Variants in ANOS1 observed in about 807,000 individuals in gnomAD.
ANOS1 encodes anosmin-1.
ANOS1 carries 6 observed loss-of-function variants against 59.0 expected under a neutral mutation model. The ratio of observed to expected loss-of-function variants is 0.10; its 90% CI spans 0.06 to 0.20. ANOS1 has a LOEUF of 0.20. ANOS1 is among the 10% of genes least tolerant of loss of function. ANOS1 has a pLI of 1.00. For synonymous variants in ANOS1, 217 were observed against 223.4 expected, an observed-to-expected ratio of 0.97 and a Z score of 0.25; for missense variants, 433 against 542.3, an observed-to-expected ratio of 0.80 and a Z score of 2.00.
At chrX:8,595,446 C>T (rs1390020146) in intron 4 of ANOS1, among the ~76,000 whole-genome samples, 1 of 110,203 alleles carries the variant, frequency 9.1e-6, no homozygotes, top group African/African-American at 3.3e-5. Context: ...AAAAAAAAAC[C>T]GGTTGAATTA....
intron 1 of ANOS1, among the ~76,000 whole-genome samples, chrX:8,710,295 A>G (rs1932804988): frequency 8.9e-6 from 1 of 111,884 alleles, no homozygotes; most frequent in African/African-American, 3.2e-5. Context: ...CATGAGCCAC[A>G]TAGGAGTCCA....
chrX:8,693,721 A>C (rs1417670613), intron 2 of ANOS1, among the ~76,000 whole-genome samples: 2 of 105,428 alleles, frequency 1.9e-5, no homozygotes, highest in Non-Finnish European at 3.9e-5. Flanking sequence ...ACTCATAAGG[A>C]ATATTGCATG....
In ANOS1 at chrX:8,553,973, C is replaced by T; in HGVS notation, c.1333G>A (p.Val445Ile). Residue 445 changes from valine to isoleucine, a missense_variant, in exon 9 of 14, where the codon GTC becomes ATC. By Grantham distance (29) the Val-to-Ile change is conservative. Coordinates refer to ENST00000262648, the MANE Select transcript of ANOS1 (RefSeq NM_000216.4). Reference protein sequence around the residue: ...FYQDGQLQVKVYWKKTEDPTV... With the variant: ...FYQDGQLQVKIYWKKTEDPTV... ...GTACCTTCTGTCTTCTTCCAGTAGA[C>T]TTTAACTTGCAGTTGGCCATCCTGA... The T allele has an allele frequency of 2.5e-6, 3 of 1,210,339 alleles. No individual in the cohort carries two copies. Among genetic ancestry groups the T allele is most frequent in the Non-Finnish European group, 3.4e-6 (3 of 894,134 alleles).
chrX:8,702,296 G>A (rs141679217), intron 1 of ANOS1, among the ~76,000 whole-genome samples: 161 of 112,334 alleles, frequency 1.4e-3, no homozygotes, highest in African/African-American at 4.6e-3. Context: ...TTGAATTACC[G>A]GAAAATGAGA....
chrX:8,707,321 G>A (rs977281294), intron 1 of ANOS1, among the ~76,000 whole-genome samples: 4 of 111,442 alleles, frequency 3.6e-5, no homozygotes, highest in African/African-American at 1.3e-4. Flanking sequence ...TAGGTCCTGA[G>A]GAGCTAGAAA....
intron 3 of ANOS1, among the ~76,000 whole-genome samples, chrX:8,618,022 A>G (rs747904904): frequency 9.0e-6 from 1 of 110,987 alleles, no homozygotes; most frequent in East Asian, 2.9e-4. Flanking sequence ...AAGCTACACC[A>G]CCTGGATTTT....
intron 1 of ANOS1, among the ~76,000 whole-genome samples, chrX:8,704,018 G>A (rs1045799931): frequency 4.5e-5 from 5 of 110,305 alleles, no homozygotes; most frequent in Non-Finnish European, 7.6e-5. Flanking sequence ...TGAATCATGG[G>A]GGCGGGTTTT....
chrX:8,544,167 C>T (rs954824921), intron 9 of ANOS1, among the ~76,000 whole-genome samples: 16 of 109,104 alleles, frequency 1.5e-4, no homozygotes, highest in African/African-American at 5.4e-4. Flanking sequence ...TTCCTCAGTT[C>T]GCAAAAGTCT....
intron 3 of ANOS1, among the ~76,000 whole-genome samples, chrX:8,616,673 C>T (rs1236218685): frequency 9.0e-6 from 1 of 111,326 alleles, no homozygotes; most frequent in African/African-American, 3.3e-5. Flanking sequence ...GCTTTCTTAC[C>T]CTAGTTTTTA....
chrX:8,662,580 C>A (rs2146873166), intron 2 of ANOS1, among the ~76,000 whole-genome samples: 1 of 112,170 alleles, frequency 8.9e-6, no homozygotes, highest in African/African-American at 3.2e-5. Context: ...GCCCCCAGTA[C>A]CCTGGAATGT....
At chrX:8,603,894 T>A (rs141691219) in intron 3 of ANOS1, among the ~76,000 whole-genome samples, 3 of 111,473 alleles carry the variant, frequency 2.7e-5, no homozygotes, top group African/African-American at 9.8e-5. Context: ...AAGTGAGTGC[T>A]CCATCATTAT....
chrX:8,618,410 C>T (rs1256526344), intron 3 of ANOS1, among the ~76,000 whole-genome samples: 1 of 111,926 alleles, frequency 8.9e-6, no homozygotes, highest in Admixed American at 9.5e-5. Flanking sequence ...CCAATGTTGA[C>T]ATCCACTGAG....
intron 2 of ANOS1, among the ~76,000 whole-genome samples, chrX:8,644,476 C>T (rs768267342): frequency 9.1e-6 from 1 of 109,375 alleles, no homozygotes; most frequent in East Asian, 2.9e-4. Context: ...AGATAGCAGG[C>T]CCTGAAAAAA....
At chrX:8,574,519 AC>A (rs1432304118) in intron 6 of ANOS1, among the ~76,000 whole-genome samples, 1 of 111,404 alleles carries the variant, frequency 9.0e-6, no homozygotes, top group Non-Finnish European at 1.9e-5. Context: ...CTGGGTGGGC[AC>A]CATTCCAATC....
intron 6 of ANOS1, among the ~76,000 whole-genome samples, chrX:8,573,443 A>G (rs1405419433): frequency 9.0e-6 from 1 of 110,949 alleles, no homozygotes; most frequent in Non-Finnish European, 1.9e-5. Flanking sequence ...CATAATCTCT[A>G]GACAGGAGAG....
chrX:8,725,611 TATATATATATACAGATATATATATACAG>T (rs1289135263), intron 1 of ANOS1, among the ~76,000 whole-genome samples: 5 of 31,220 alleles, frequency 1.6e-4, no homozygotes, highest in Admixed American at 7.5e-4. Flanking sequence ...TATATACAGA[TATATATATATACAGATATATATATACAG>T]ATATATATAC....
At chrX:8,705,608 T>A (rs2146902372) in intron 1 of ANOS1, among the ~76,000 whole-genome samples, 1 of 111,433 alleles carries the variant, frequency 9.0e-6, no homozygotes, top group Admixed American at 9.6e-5. Flanking sequence ...CCCATCACGA[T>A]CCACCTATGT....
chrX:8,713,269 G>A (rs1932822405), intron 1 of ANOS1, among the ~76,000 whole-genome samples: 1 of 110,040 alleles, frequency 9.1e-6, no homozygotes. Context: ...GTCCAAGCTG[G>A]GGGATGGAGA....
intron 4 of ANOS1, among the ~76,000 whole-genome samples, chrX:8,595,829 C>T (rs183174741): frequency 2.8e-3 from 315 of 111,390 alleles, no homozygotes; most frequent in African/African-American, 9.6e-3. Context: ...GGTCACACAG[C>T]AGGAGGTAAG....
Sources: gnomAD v4.1 joint callset for allele counts (sites outside exome capture counted in the v4.1 genomes callset) on GRCh38, gnomAD v4.1.1 for gene constraint, MANE v1.5 for transcripts, NCBI Gene and HGNC (gene_info 2026-07-23, HGNC 2026-07-21) for gene names.